The following AKAIN1 variants were observed in gnomAD, a reference collection of about 807,000 sequenced individuals.
The protein encoded by AKAIN1 is A-kinase anchor inhibitor 1.
AKAIN1 carries 3 observed loss-of-function variants against 3.7 expected under a neutral mutation model. The ratio of observed to expected loss-of-function variants is 0.82; its 90% CI spans 0.37 to 2.12. AKAIN1 has a LOEUF of 2.12. Among genes scored for constraint, AKAIN1 ranks in the 30% most tolerant of loss-of-function variants. The pLI, the probability that AKAIN1 is intolerant of heterozygous loss-of-function variation, is 0.06. For missense variants in AKAIN1, 82 were observed against 82.7 expected, an observed-to-expected ratio of 0.99 and a Z score of 0.03; for synonymous variants, 31 against 30.8, an observed-to-expected ratio of 1.01 and a Z score of -0.02.
Position 5,145,572 on chromosome 18 carries a change from T to A in AKAIN1, c.200A>T (p.Glu67Val). The A allele has an allele frequency of 6.4e-7, 1 of 1,551,338 alleles. No homozygotes were observed. Among genetic ancestry groups the A allele is most frequent in the Non-Finnish European group, 8.7e-7 (1 of 1,146,864 alleles). Reference protein sequence around the residue: ...LGVGELTKKHEKK With the variant: ...LGVGELTKKHVKK ...GCCAAATCCACCATGTTACTTCTTT[T>A]CGTGCTTCTTGGTTAACTCCCCAAC... The change falls in exon 2 of 2, where the codon GAA (glutamate) becomes GTA (valine). Residue 67 changes from glutamate to valine, a missense_variant. Coordinates refer to ENST00000434239, the MANE Select transcript of AKAIN1 (RefSeq NM_001145194.2).
intron 1 of AKAIN1, among the ~76,000 whole-genome samples, chr18:5,147,456 T>G (rs1407087975): frequency 6.6e-6 from 1 of 152,196 alleles, no homozygotes; most frequent in Non-Finnish European, 1.5e-5. Context: ...TTTATAGTGG[T>G]AAACAGAATG....
chr18:5,144,007 C>T lies in AKAIN1; in HGVS notation c.*1555G>A, dbSNP rs533351585. Among the ~76,000 whole-genome samples the T allele has an allele frequency of 2.0e-5, 3 of 152,238 alleles. No homozygotes were observed. Among genetic ancestry groups the T allele is most frequent in the Admixed American group, 6.5e-5 (1 of 15,298 alleles). ...TCACATCAGTTATATGACTTTTGGT[C>T]GACTTAAACTCACTCTTCACTTGGC... On this transcript the variant is annotated 3_prime_UTR_variant, in exon 2 of 2. Transcript: ENST00000434239.
intron 1 of AKAIN1, among the ~76,000 whole-genome samples, chr18:5,147,340 TA>T (rs1189137124): frequency 6.6e-6 from 1 of 152,162 alleles, no homozygotes; most frequent in Non-Finnish European, 1.5e-5. Flanking sequence ...TGTATTTTTT[TA>T]ATTGTGCAGT....
chr18:5,153,880 G>T (rs940554932), intron 1 of AKAIN1, among the ~76,000 whole-genome samples: 3 of 151,954 alleles, frequency 2.0e-5, no homozygotes, highest in Non-Finnish European at 2.9e-5. Context: ...ATGTAGAAAG[G>T]GGGAGGCTGT....
At chr18:5,175,218 G>A (rs376230154) in intron 1 of AKAIN1, among the ~76,000 whole-genome samples, 18 of 152,174 alleles carry the variant, frequency 1.2e-4, no homozygotes, top group African/African-American at 3.6e-4. Flanking sequence ...TACTCATAAG[G>A]CCTTAGCAAT....
chr18:5,174,206 G>A (rs1194988338), intron 1 of AKAIN1, among the ~76,000 whole-genome samples: 1 of 152,098 alleles, frequency 6.6e-6, no homozygotes, highest in Non-Finnish European at 1.5e-5. Flanking sequence ...ATTGCCTAGG[G>A]AGATCCAAGC....
At chr18:5,179,143 A>G (rs1414580856) in intron 1 of AKAIN1, among the ~76,000 whole-genome samples, 1 of 152,180 alleles carries the variant, frequency 6.6e-6, no homozygotes, top group Admixed American at 6.5e-5. Context: ...TTGTGTAGCC[A>G]TCACCTGAAT....
intron 1 of AKAIN1, among the ~76,000 whole-genome samples, chr18:5,151,126 A>C (rs1037767772): frequency 1.3e-5 from 2 of 151,454 alleles, no homozygotes; most frequent in Non-Finnish European, 2.9e-5. Context: ...CTCCAGCACC[A>C]CTCCCTGCAC....
chr18:5,177,201 T>C (rs1193054869), intron 1 of AKAIN1, among the ~76,000 whole-genome samples: 1 of 152,202 alleles, frequency 6.6e-6, no homozygotes, highest in Non-Finnish European at 1.5e-5. Flanking sequence ...CAAATTTATA[T>C]ATGATGTATC....
chr18:5,149,549 CTCCATCT>C (rs2071068674), intron 1 of AKAIN1, among the ~76,000 whole-genome samples: 1 of 152,230 alleles, frequency 6.6e-6, no homozygotes, highest in Admixed American at 6.5e-5. Context: ...AGCCTCGTCT[CTCCATCT>C]GCTGCTACCA....
intron 1 of AKAIN1, among the ~76,000 whole-genome samples, chr18:5,152,667 G>T (rs1025935636): frequency 1.3e-5 from 2 of 152,142 alleles, no homozygotes; most frequent in African/African-American, 4.8e-5. Context: ...GTCCAGAGAG[G>T]GGACTTAAGG....
chr18:5,146,403 T>C (rs998199771), intron 1 of AKAIN1, among the ~76,000 whole-genome samples: 2 of 151,958 alleles, frequency 1.3e-5, no homozygotes, highest in Admixed American at 1.3e-4. Flanking sequence ...GCCACGTACT[T>C]CTGGGCATTC....
intron 1 of AKAIN1, 116 bp downstream of exon 1, chr18:5,196,918 ACAGT>A (rs1300796813): frequency 1.1e-6 from 1 of 922,206 alleles, no homozygotes; most frequent in Non-Finnish European, 1.7e-6. Context: ...ATGAGCACAG[ACAGT>A]AACTCCGAAA....
At chr18:5,170,514 T>TA (rs1300322470) in intron 1 of AKAIN1, among the ~76,000 whole-genome samples, 1 of 152,160 alleles carries the variant, frequency 6.6e-6, no homozygotes, top group East Asian at 1.9e-4. Context: ...AAAGATAGTG[T>TA]ACAGTCCCCT....
At chr18:5,182,426 G>T (rs964337349) in intron 1 of AKAIN1, among the ~76,000 whole-genome samples, 1 of 151,962 alleles carries the variant, frequency 6.6e-6, no homozygotes, top group Admixed American at 6.6e-5. Context: ...TACCACTCTG[G>T]AAAACAGATA....
chr18:5,147,177 A>G lies in AKAIN1; in HGVS notation c.17-1422T>C, dbSNP rs1057015010. Among the ~76,000 whole-genome samples, 18 of 152,324 alleles carry G rather than the reference A, an allele frequency of 1.2e-4. 1 individual carries two copies. The highest frequency in any genetic ancestry group is 6.8e-3 in the Middle Eastern group (2 of 294). ...GGACCAGAGCCATTAGAACCATTAA[A>G]ATACAAACTGTTTTCAGGGATTTCA... On this transcript the variant is annotated intron_variant, in intron 1 of 1. Transcript: ENST00000434239.
intron 1 of AKAIN1, among the ~76,000 whole-genome samples, chr18:5,169,216 G>T (rs929938146): frequency 2.1e-4 from 32 of 151,968 alleles, no homozygotes; most frequent in African/African-American, 6.5e-4. Context: ...GCCTTCAACT[G>T]GTTGGATAAG....
At chr18:5,163,011 C>T (rs1025325490) in intron 1 of AKAIN1, among the ~76,000 whole-genome samples, 4 of 151,858 alleles carry the variant, frequency 2.6e-5, no homozygotes, top group African/African-American at 9.7e-5. Context: ...GTTTGGGATT[C>T]GGCTCAGGAA....
chr18:5,189,023 C>T (rs2071303513), intron 1 of AKAIN1, among the ~76,000 whole-genome samples: 1 of 152,142 alleles, frequency 6.6e-6, no homozygotes, highest in African/African-American at 2.4e-5. Flanking sequence ...TAGATGCCAC[C>T]AAGGCTTACA....
Sources: gnomAD v4.1 joint callset for allele counts (sites outside exome capture counted in the v4.1 genomes callset) on GRCh38, gnomAD v4.1.1 for gene constraint, MANE v1.5 for transcripts, NCBI Gene and HGNC (gene_info 2026-07-23, HGNC 2026-07-21) for gene names.